DNM3: variants seen among roughly 807,000 people sequenced by gnomAD.
The protein encoded by DNM3 is dynamin-3.
Under a neutral mutation model 101.6 loss-of-function variants are expected in DNM3, and 47 were observed. The observed-to-expected ratio is 0.46, with a 90% CI of 0.37 to 0.59. DNM3 has a LOEUF of 0.59. Ranked by LOEUF, DNM3 falls within the 20% of genes least tolerant of loss-of-function variation. The pLI is 0.00. For synonymous variants in DNM3, 385 were observed against 387.9 expected (o/e 0.99, Z 0.09); for missense variants, 849 against 1,085.7 (o/e 0.78, Z 3.06).
chr1:172,248,506 C>A (rs2062043300), intron 14 of DNM3, among the ~76,000 whole-genome samples: 1 of 151,950 alleles, frequency 6.6e-6, no homozygotes, highest in Non-Finnish European at 1.5e-5. Flanking sequence ...TGCTAGATCG[C>A]CTATGACAAA....
intron 20 of DNM3, among the ~76,000 whole-genome samples, chr1:172,402,658 G>A (rs2070583707): frequency 6.6e-6 from 1 of 152,132 alleles, no homozygotes; most frequent in Non-Finnish European, 1.5e-5. Flanking sequence ...ATTTTCATAA[G>A]CAAATACAAG....
At chr1:171,916,292 A>G (rs372742844) in intron 1 of DNM3, among the ~76,000 whole-genome samples, 6 of 152,288 alleles carry the variant, frequency 3.9e-5, no homozygotes, top group South Asian at 4.1e-4. Context: ...TAACAATAGT[A>G]CCTTCCTCAT....
chr1:171,957,107 A>G (rs541654423), intron 2 of DNM3, among the ~76,000 whole-genome samples: 4 of 152,072 alleles, frequency 2.6e-5, no homozygotes, highest in Non-Finnish European at 5.9e-5. Flanking sequence ...TGGCTTGGCA[A>G]TTAACATTAG....
chr1:172,268,309 T>C (rs2062951185), intron 15 of DNM3, among the ~76,000 whole-genome samples: 1 of 152,036 alleles, frequency 6.6e-6, no homozygotes, highest in Non-Finnish European at 1.5e-5. Context: ...ATTTTGAAAG[T>C]TGATTCCAAG....
intron 4 of DNM3, among the ~76,000 whole-genome samples, chr1:172,027,101 A>C (rs1316023914): frequency 6.6e-6 from 1 of 152,214 alleles, no homozygotes; most frequent in Non-Finnish European, 1.5e-5. Context: ...AGGGAGCACT[A>C]AATATGGAAA....
intron 2 of DNM3, among the ~76,000 whole-genome samples, chr1:171,922,882 A>ATT (rs1230454757): frequency 6.6e-6 from 1 of 152,188 alleles, no homozygotes; most frequent in Admixed American, 6.5e-5. Context: ...TTAGAACTTC[A>ATT]TTTCTTTTTA....
chr1:172,068,571 G>A (rs2051890369), intron 10 of DNM3, among the ~76,000 whole-genome samples: 1 of 152,106 alleles, frequency 6.6e-6, no homozygotes, highest in Admixed American at 6.5e-5. Flanking sequence ...CTAGGGTTCT[G>A]CTTTCTTCCT....
At chr1:172,153,588 C>T (rs369167766) in intron 14 of DNM3, among the ~76,000 whole-genome samples, 123 of 125,656 alleles carry the variant, frequency 9.8e-4, no homozygotes, top group African/African-American at 4.5e-3. Flanking sequence ...CCATTCAGCA[C>T]GAAACTTTCT....
At chr1:172,044,311 C>T in intron 8 of DNM3, 74 bp from the exon 9 acceptor site, 1 of 1,278,182 alleles carries the variant, frequency 7.8e-7, no homozygotes, top group Non-Finnish European at 1.1e-6. Context: ...TCAAGTTATT[C>T]TCATTCTGTA....
chr1:172,153,739 T>A (rs528984343), intron 14 of DNM3, among the ~76,000 whole-genome samples: 1 of 152,294 alleles, frequency 6.6e-6, no homozygotes, highest in Non-Finnish European at 1.5e-5. Flanking sequence ...TTCAGTCAGA[T>A]GAATTAAACC....
At chr1:171,921,715 C>T (rs370412049) in intron 1 of DNM3, 33 bp from the exon 2 acceptor site, 8 of 1,536,996 alleles carry the variant, frequency 5.2e-6, no homozygotes, top group Non-Finnish European at 7.1e-6. Context: ...AGAATTCCTT[C>T]ATGCCTTAAT....
chr1:172,245,996 A>C (rs1557875517), intron 14 of DNM3, among the ~76,000 whole-genome samples: 1 of 152,180 alleles, frequency 6.6e-6, no homozygotes, highest in Non-Finnish European at 1.5e-5. Context: ...GTCACGGCTA[A>C]AGGTGAAGAG....
At chr1:172,400,255 T>C (rs2070367758) in intron 20 of DNM3, among the ~76,000 whole-genome samples, 1 of 152,086 alleles carries the variant, frequency 6.6e-6, no homozygotes, top group Admixed American at 6.6e-5. Context: ...AGTTGGCCTC[T>C]CCCTCTCCTG....
chr1:172,192,253 C>T (rs934569124), intron 14 of DNM3, among the ~76,000 whole-genome samples: 1 of 152,028 alleles, frequency 6.6e-6, no homozygotes, highest in African/African-American at 2.4e-5. Context: ...TTGAGATAAT[C>T]ATGTGGTTTT....
At chr1:171,987,605 T>A in intron 2 of DNM3, 51 bp from the exon 3 acceptor site, 1 of 1,494,468 alleles carries the variant, frequency 6.7e-7, no homozygotes, top group South Asian at 1.4e-5. Flanking sequence ...TTTATAATTA[T>A]GGCAAAAATG....
chr1:171,863,071 A>G (rs1400814501), intron 1 of DNM3, among the ~76,000 whole-genome samples: 4 of 151,174 alleles, frequency 2.6e-5, no homozygotes, highest in African/African-American at 7.3e-5. Context: ...AAGACAATAC[A>G]TAACATTCAA....
At position 172,407,977 on chromosome 1, in the gene DNM3, A is replaced by G. The variant is rs1057464154; in HGVS notation, c.*136A>G. 26 of 1,537,662 alleles carry G rather than the reference A, an allele frequency of 1.7e-5. No homozygotes were observed. The East Asian group carries it at 5.6e-4, about 33-fold the overall frequency. On this transcript the variant is annotated 3_prime_UTR_variant, in exon 21 of 21. Coordinates refer to ENST00000627582, the MANE Select transcript of DNM3 (RefSeq NM_015569.5). ...AGTAACCAGTTTTACTAATGCATTC[A>G]TCGCTCATCTTCATTGCTCATGGTA...
chr1:172,401,050 G>A (rs2070448186), intron 20 of DNM3, among the ~76,000 whole-genome samples: 1 of 152,142 alleles, frequency 6.6e-6, no homozygotes, highest in African/African-American at 2.4e-5. Context: ...CTTCAGGGCA[G>A]TGACTCTTTA....
chr1:172,352,352 C>CT (rs945408229), intron 17 of DNM3, among the ~76,000 whole-genome samples: 16 of 151,666 alleles, frequency 1.1e-4, no homozygotes, highest in Middle Eastern at 3.4e-3. Flanking sequence ...GTAAAGTGAA[C>CT]TTTTTTTTTC....
Sources: gnomAD v4.1 joint callset for allele counts (sites outside exome capture counted in the v4.1 genomes callset) on GRCh38, gnomAD v4.1.1 for gene constraint, MANE v1.5 for transcripts, NCBI Gene and HGNC (gene_info 2026-07-23, HGNC 2026-07-21) for gene names.